PTPRN2: variants seen among roughly 807,000 people sequenced by gnomAD.
PTPRN2 encodes protein tyrosine phosphatase receptor type N2, also known as receptor-type tyrosine-protein phosphatase N2.
In PTPRN2, 74 loss-of-function variants were observed where a neutral mutation model predicts 118.8. That is an observed-to-expected ratio of 0.62 (90% confidence interval 0.52 to 0.76). PTPRN2 has a LOEUF of 0.76. PTPRN2 is among the 30% of genes least tolerant of loss of function. The pLI is 0.00. For synonymous variants in PTPRN2, 641 were observed against 608.0 expected, an observed-to-expected ratio of 1.05 and a Z score of -0.80; for missense variants, 1,481 against 1,394.4, an observed-to-expected ratio of 1.06 and a Z score of -0.99.
intron 11 of PTPRN2, among the ~76,000 whole-genome samples, chr7:158,024,782 G>A (rs1164676497): frequency 6.6e-6 from 1 of 152,242 alleles, no homozygotes; most frequent in Non-Finnish European, 1.5e-5. Flanking sequence ...TAAGGCATGA[G>A]CAACTTCAGT....
Position 158,352,210 on chromosome 7 carries a change from C to T in PTPRN2, c.164-35278G>A, listed in dbSNP as rs1456504819. ...CGCTCCCCTCCTGACTGCTCCCCTCCTGACTGCTCCCCTCCTGTCCGCTCC... is the reference window on the plus strand; with the variant it reads ...CGCTCCCCTCCTGACTGCTCCCCTCTTGACTGCTCCCCTCCTGTCCGCTCC... On this transcript the variant is annotated intron_variant, in intron 2 of 22. Transcript: ENST00000389418. Among the ~76,000 whole-genome samples the T allele has an allele frequency of 6.8e-4, 5 of 7,400 alleles. No homozygotes were observed. The African/African-American group carries it at 8.7e-3, about 13-fold the overall frequency. 4.9% of individuals were successfully genotyped at this position (7,400 alleles called of 152,430 possible). A position where few individuals can be genotyped will look rare whatever the true frequency, so the allele number is the denominator to read the frequency against.
In PTPRN2 at chr7:158,205,281, C is replaced by A. The variant is rs562670399; in HGVS notation, c.278-8G>T. Reference sequence around the variant, plus strand: ...CATCCTGCCACGTGAAACCTGTGGACAAAAATTGCAAAAATTATGTCATCA... The same window carrying A: ...CATCCTGCCACGTGAAACCTGTGGAAAAAAATTGCAAAAATTATGTCATCA... On this transcript the variant is annotated splice_polypyrimidine_tract_variant and splice_region_variant and intron_variant, in intron 3 of 22. Transcript: ENST00000389418. 1.9e-6 allele frequency: 3 copies of A among 1,600,776 alleles called. No individual in the cohort carries two copies. The highest frequency in any genetic ancestry group is 2.2e-5 in the East Asian group (1 of 44,808).
At chr7:158,001,825 C>G (rs1414858998) in intron 11 of PTPRN2, among the ~76,000 whole-genome samples, 1 of 152,246 alleles carries the variant, frequency 6.6e-6, no homozygotes, top group Non-Finnish European at 1.5e-5. Flanking sequence ...TGTGCCCTCA[C>G]CCGGAACCGT....
intron 5 of PTPRN2, among the ~76,000 whole-genome samples, chr7:158,189,310 C>T (rs1825571554): frequency 6.6e-6 from 1 of 152,230 alleles, no homozygotes; most frequent in African/African-American, 2.4e-5. Flanking sequence ...AACTCTGACT[C>T]TTTTATTTTA....
At chr7:157,978,803 G>A (rs2128826207) in intron 11 of PTPRN2, among the ~76,000 whole-genome samples, 1 of 152,094 alleles carries the variant, frequency 6.6e-6, no homozygotes, top group Middle Eastern at 3.4e-3. Context: ...CATTCGTGGT[G>A]AAGTCGGTCC....
At chr7:157,902,731 A>G (rs945306775) in intron 11 of PTPRN2, among the ~76,000 whole-genome samples, 1 of 152,232 alleles carries the variant, frequency 6.6e-6, no homozygotes, top group Non-Finnish European at 1.5e-5. Flanking sequence ...AGTGAGGCTG[A>G]TAAACGAGTC....
chr7:158,095,612 G>T (rs935434148), intron 10 of PTPRN2, among the ~76,000 whole-genome samples: 3 of 152,080 alleles, frequency 2.0e-5, no homozygotes, highest in Admixed American at 1.3e-4. Flanking sequence ...CCATTCTTTC[G>T]TGGAATCATT....
chr7:157,610,753 C>CA lies in PTPRN2; in HGVS notation c.2345-6679dup, dbSNP rs1802280535. On this transcript the variant is annotated intron_variant, in intron 15 of 22. Coordinates refer to ENST00000389418, the MANE Select transcript of PTPRN2 (RefSeq NM_002847.5). This position sits in a 1 kb window ranked among gnomAD's most constrained non-coding sequence, Gnocchi z 5.1. Reference sequence around the variant, plus strand: ...GACCTGGGCACTTGAAGACCAGCAACAGCGTGATGACAGAACGCATTCTGA... The same window carrying CA: ...GACCTGGGCACTTGAAGACCAGCAACAAGCGTGATGACAGAACGCATTCTGA... Among the ~76,000 whole-genome samples the CA allele has an allele frequency of 6.6e-6, 1 of 152,234 alleles. No individual in the cohort carries two copies. The highest frequency in any genetic ancestry group is 2.4e-5 in the African/African-American group (1 of 41,462).
At chr7:157,820,904 C>A (rs1307557739) in intron 12 of PTPRN2, among the ~76,000 whole-genome samples, 2 of 152,208 alleles carry the variant, frequency 1.3e-5, no homozygotes, top group Non-Finnish European at 2.9e-5. Context: ...CCCTTTGGAG[C>A]CGAGGATGAA....
At chr7:158,391,960 G>A (rs946664869) in intron 2 of PTPRN2, among the ~76,000 whole-genome samples, 2 of 152,210 alleles carry the variant, frequency 1.3e-5, no homozygotes, top group African/African-American at 4.8e-5. Context: ...TGTGAGTCGA[G>A]AGTCCTCCAC....
intron 12 of PTPRN2, among the ~76,000 whole-genome samples, chr7:157,772,526 G>A (rs565895550): frequency 6.6e-6 from 1 of 152,322 alleles, no homozygotes; most frequent in East Asian, 1.9e-4. Flanking sequence ...GTGGAAAGAG[G>A]CCCCTGATCC....
At chr7:158,513,014 G>A (rs1823285156) in intron 1 of PTPRN2, among the ~76,000 whole-genome samples, 1 of 152,230 alleles carries the variant, frequency 6.6e-6, no homozygotes, top group Non-Finnish European at 1.5e-5. Flanking sequence ...CTTCAAGGAA[G>A]CAGAGCATGA....
chr7:158,227,715 G>A (rs976708496), intron 3 of PTPRN2, among the ~76,000 whole-genome samples: 4 of 152,236 alleles, frequency 2.6e-5, no homozygotes, highest in Non-Finnish European at 5.9e-5. Context: ...CTGGTGAGCA[G>A]AGTGTGAAGG....
intron 11 of PTPRN2, among the ~76,000 whole-genome samples, chr7:157,963,756 C>T (rs984717238): frequency 9.9e-5 from 15 of 152,258 alleles, no homozygotes; most frequent in East Asian, 1.9e-4. Context: ...CACAGCACCT[C>T]GGTGCTAGTC....
intron 2 of PTPRN2, among the ~76,000 whole-genome samples, chr7:158,353,790 C>T (rs1279851882): frequency 6.6e-6 from 1 of 152,234 alleles, no homozygotes; most frequent in African/African-American, 2.4e-5. Flanking sequence ...AGTTTCTACA[C>T]TTAGAAAGGT....
chr7:157,723,213 G>A (rs1312134603), intron 12 of PTPRN2, among the ~76,000 whole-genome samples: 4 of 152,156 alleles, frequency 2.6e-5, no homozygotes, highest in African/African-American at 9.7e-5. Flanking sequence ...GGGCCCTGAC[G>A]GACTGTCCCC....
chr7:157,743,978 C>G (rs548875208), intron 12 of PTPRN2, among the ~76,000 whole-genome samples: 1 of 152,214 alleles, frequency 6.6e-6, no homozygotes, highest in Non-Finnish European at 1.5e-5. Context: ...AGCTGTGAGG[C>G]GGTGCCGTGA....
chr7:157,783,828 T>C (rs1803835998), intron 12 of PTPRN2, among the ~76,000 whole-genome samples: 1 of 152,090 alleles, frequency 6.6e-6, no homozygotes, highest in Non-Finnish European at 1.5e-5. Context: ...ATTTCATCTT[T>C]GCTCCAGGCC....
chr7:157,739,646 GCT>G (rs1800508063), intron 12 of PTPRN2, among the ~76,000 whole-genome samples: 1 of 152,220 alleles, frequency 6.6e-6, no homozygotes, highest in Admixed American at 6.5e-5. Context: ...CTCTTGGAGA[GCT>G]CTTTCTCCCC....
Sources: allele counts gnomAD v4.1 joint callset (sites outside exome capture counted in the v4.1 genomes callset), GRCh38; gene constraint gnomAD v4.1.1; non-coding constraint Gnocchi (gnomAD v3.1); transcripts MANE v1.5; gene names NCBI Gene and HGNC (gene_info 2026-07-23, HGNC 2026-07-21).